The following RNF150 variants were observed in gnomAD, a reference collection of about 807,000 sequenced individuals.
RNF150 encodes ring finger protein 150.
Under a neutral mutation model 39.3 loss-of-function variants are expected in RNF150, and 24 were observed. The observed-to-expected ratio is 0.61, with a 90% confidence interval of 0.44 to 0.86. The LOEUF is 0.86. RNF150 is among the 40% of genes least tolerant of loss of function. The probability of loss-of-function intolerance (pLI) is 0.00; values close to 1 mark genes in which losing one functional copy is unlikely to be tolerated. For missense variants in RNF150, 502 were observed against 587.8 expected, an observed-to-expected ratio of 0.85 and a Z score of 1.51; for synonymous variants, 255 against 227.3, an observed-to-expected ratio of 1.12 and a Z score of -1.10.
At chr4:140,972,666 CT>C (rs1733511475) in intron 1 of RNF150, among the ~76,000 whole-genome samples, 1 of 152,182 alleles carries the variant, frequency 6.6e-6, no homozygotes, top group East Asian at 1.9e-4. Context: ...ACTCCAGGAA[CT>C]TATCTACAAA....
At chr4:141,024,314 AAG>A (rs974592321) in intron 1 of RNF150, among the ~76,000 whole-genome samples, 4 of 152,126 alleles carry the variant, frequency 2.6e-5, no homozygotes, top group African/African-American at 9.7e-5. Context: ...CTGTCTTAAG[AAG>A]AGATTTAAAA....
In RNF150 at chr4:141,171,460, A is replaced by AAG. The variant is rs67118049; in HGVS notation, c.-6+41332_-6+41333dup. On this transcript the variant is annotated intron_variant, in intron 1 of 7. Coordinates refer to the RNF150 transcript ENST00000420921. Reference sequence around the variant, plus strand: ...GATGCATCTATGAGAGACAGACAGAAAGAGAGAGAGAGAGAGAGAGAGAGA... The same window carrying AAG: ...GATGCATCTATGAGAGACAGACAGAAAGAGAGAGAGAGAGAGAGAGAGAGAGA... Among the ~76,000 whole-genome samples, 835 of 148,918 alleles carry AAG rather than the reference A, an allele frequency of 5.6e-3. 2 individuals carry two copies. Among genetic ancestry groups the AAG allele is most frequent in the Non-Finnish European group, 9.1e-3 (610 of 66,940 alleles).
intron 1 of RNF150, among the ~76,000 whole-genome samples, chr4:141,027,937 T>TTG (rs1553938702): frequency 3.8e-4 from 50 of 130,062 alleles, no homozygotes; most frequent in African/African-American, 1.3e-3. Flanking sequence ...TTTTTTTTTT[T>TTG]TTTTTTTTTT....
chr4:140,929,770 T>C (rs1208701866), intron 4 of RNF150, among the ~76,000 whole-genome samples: 3 of 152,168 alleles, frequency 2.0e-5, no homozygotes, highest in African/African-American at 7.2e-5. Flanking sequence ...ATGTGGTTAA[T>C]ATCTACAATC....
intron 2 of RNF150, among the ~76,000 whole-genome samples, chr4:140,954,347 T>C (rs1732662538): frequency 6.6e-6 from 1 of 152,154 alleles, no homozygotes; most frequent in African/African-American, 2.4e-5. Context: ...CCTGAGTAGC[T>C]GGGACTACAG....
rs754676902 is a variant in RNF150, at chr4:140,862,247, G to A, written c.*6014C>T. 5 of 152,128 alleles carry A rather than the reference G, an allele frequency of 3.3e-5. No individual in the cohort carries two copies. Among genetic ancestry groups the A allele is most frequent in the East Asian group, 1.9e-4 (1 of 5,192 alleles). 9.4% of individuals were successfully genotyped at this position (152,128 alleles called of 1,614,324 possible). A position where few individuals can be genotyped will look rare whatever the true frequency, so the allele number is the denominator to read the frequency against. ...AGACATTGCAGACCTCTTAATAGAC[G>A]TGTATATTTTTGTCTTATCATCAGC... is the stretch of plus-strand genomic sequence containing the variant. On this transcript the variant is annotated 3_prime_UTR_variant, in exon 7 of 7. Coordinates refer to ENST00000515673, the MANE Select transcript of RNF150 (RefSeq NM_020724.2).
At chr4:141,146,435 A>G (rs891638900) in intron 1 of RNF150, among the ~76,000 whole-genome samples, 2 of 152,216 alleles carry the variant, frequency 1.3e-5, no homozygotes, top group African/African-American at 4.8e-5. Context: ...CTTTGGGAAA[A>G]GACAATCAGC....
At chr4:141,171,477 AGAG>A (rs1463590880) in intron 1 of RNF150, among the ~76,000 whole-genome samples, 1 of 152,052 alleles carries the variant, frequency 6.6e-6, no homozygotes. Flanking sequence ...AGAGAGAGAG[AGAG>A]AGAGAGAGAG....
At chr4:141,197,576 C>T (rs1310846161) in intron 1 of RNF150, among the ~76,000 whole-genome samples, 3 of 152,066 alleles carry the variant, frequency 2.0e-5, no homozygotes, top group African/African-American at 7.2e-5. Context: ...GTCAAGTAAT[C>T]AAATACTTAG....
In RNF150 at chr4:141,200,672, A is replaced by G. The variant is rs1728276390; in HGVS notation, c.-6+12122T>C. ...ATGAATTTGGTGTGTGTGTTGGGAGAAAACACAAACATTCAGTCCATTGCA... is the reference window on the plus strand; with the variant it reads ...ATGAATTTGGTGTGTGTGTTGGGAGGAAACACAAACATTCAGTCCATTGCA... On this transcript the variant is annotated intron_variant, in intron 1 of 7. Coordinates refer to the RNF150 transcript ENST00000420921. 2.0e-5 allele frequency among the ~76,000 whole-genome samples: 3 copies of G among 152,198 alleles called. No homozygotes were observed. The South Asian group carries it at 6.2e-4, about 32-fold the overall frequency.
At chr4:141,083,112 G>A (rs577716011) in intron 1 of RNF150, among the ~76,000 whole-genome samples, 6 of 152,256 alleles carry the variant, frequency 3.9e-5, no homozygotes, top group Admixed American at 3.9e-4. Flanking sequence ...ACACTGCCAT[G>A]AAAGGCATAC....
Position 140,917,758 on chromosome 4 carries a change from ACACCTATTCCAAAATTGAC to A in RNF150, c.988-6423_988-6405del, listed in dbSNP as rs1232883233. 1.2e-4 allele frequency among the ~76,000 whole-genome samples: 18 copies of A among 151,420 alleles called. No homozygotes were observed. In the South Asian group the frequency reaches 3.8e-3, roughly 32 times the overall value. ...ATACATTTTTTTTCAGCACCACACC[ACACCTATTCCAAAATTGAC>A]CACATAGTTGGAAGTAAAGCACTCC... On this transcript the variant is annotated intron_variant, in intron 5 of 6. Transcript: ENST00000515673.
intron 1 of RNF150, among the ~76,000 whole-genome samples, chr4:141,036,686 C>G (rs2042629): frequency 0.12 from 17,746 of 151,952 alleles, 1,127 homozygotes; most frequent in Admixed American, 0.16. Context: ...TAGATTGGTA[C>G]GGTGAATAGA....
intron 3 of RNF150, 79 bp downstream of exon 3, chr4:140,949,222 C>T: frequency 9.4e-7 from 1 of 1,063,496 alleles, no homozygotes; most frequent in Non-Finnish European, 1.4e-6. Flanking sequence ...ATCCTTTCCT[C>T]TCTTCCACCC....
intron 1 of RNF150, among the ~76,000 whole-genome samples, chr4:141,084,792 C>T (rs1738295681): frequency 6.6e-6 from 1 of 152,184 alleles, no homozygotes; most frequent in East Asian, 1.9e-4. Flanking sequence ...CACAGTATCT[C>T]CCATCTTATA....
intron 1 of RNF150, among the ~76,000 whole-genome samples, chr4:141,178,676 C>T (rs1460910114): frequency 6.6e-6 from 1 of 152,036 alleles, no homozygotes; most frequent in African/African-American, 2.4e-5. Flanking sequence ...GGAGACACAG[C>T]CAAGCTTGAA....
At chr4:141,071,024 C>A (rs1302272049) in intron 1 of RNF150, among the ~76,000 whole-genome samples, 1 of 127,076 alleles carries the variant, frequency 7.9e-6, no homozygotes, top group East Asian at 2.2e-4. Flanking sequence ...AAATGTGGCA[C>A]ATATACACCA....
chr4:140,949,364 C>T lies in RNF150; in HGVS notation c.744G>A (p.Leu248=), dbSNP rs780769753. ...TGATGGCTTTCTTTGCTGCATCCCC[C>T]AGTCGGCGCTGAAAAGCCAAAACGT... ...ANARDRNQRR[L]GDAAKKAISK... The change falls in exon 3 of 7, where the codon CTG becomes CTA. Residue 248 remains leucine, a synonymous_variant. Transcript: ENST00000515673. The T allele has an allele frequency of 1.2e-5, 19 of 1,612,940 alleles. No homozygotes were observed. The highest frequency in any genetic ancestry group is 1.4e-5 in the Non-Finnish European group (17 of 1,179,444).
chr4:140,998,003 G>A (rs553935795), intron 1 of RNF150, among the ~76,000 whole-genome samples: 161 of 152,202 alleles, frequency 1.1e-3, no homozygotes, highest in African/African-American at 3.8e-3. Context: ...AAATGTATTA[G>A]CTGGTGGCCC....
Sources: allele counts gnomAD v4.1 joint callset (sites outside exome capture counted in the v4.1 genomes callset), GRCh38; gene constraint gnomAD v4.1.1; transcripts MANE v1.5; gene names NCBI Gene and HGNC (gene_info 2026-07-23, HGNC 2026-07-21).